The following POLR2C variants were observed in gnomAD, a reference collection of about 807,000 sequenced individuals.
POLR2C encodes the protein DNA-directed RNA polymerase II subunit RPB3.
POLR2C carries 36 observed loss-of-function variants against 41.7 expected under a neutral mutation model. That is an observed-to-expected ratio of 0.86 (90% CI 0.66 to 1.14). The LOEUF is 1.14. Ranked by LOEUF, POLR2C falls within the 50% of genes most tolerant of loss-of-function variation. The probability of loss-of-function intolerance (pLI) is 0.00; values close to 1 mark genes in which losing one functional copy is unlikely to be tolerated. For synonymous variants in POLR2C, 133 were observed against 137.8 expected, an observed-to-expected ratio of 0.96 and a Z score of 0.25; for missense variants, 260 against 350.4, an observed-to-expected ratio of 0.74 and a Z score of 2.06.
At position 57,463,442 on chromosome 16, in the gene POLR2C, A is replaced by G. The variant is rs530967167; in HGVS notation, c.136+364A>G. 1.5e-3 allele frequency: 584 copies of G among 396,702 alleles called. 2 individuals are homozygous for G. Among genetic ancestry groups the G allele is most frequent in the Admixed American group, 2.4e-3 (64 of 26,246 alleles). 24.6% of individuals were successfully genotyped at this position (396,702 alleles called of 1,614,324 possible). On this transcript the variant is annotated intron_variant, in intron 2 of 8. Coordinates refer to ENST00000219252, the MANE Select transcript of POLR2C (RefSeq NM_032940.3). ...ATTGGTGCAGGTTTGTTGCCTGGGT[A>G]TAGTGCGTGATGCTGAGATTTGGGG...
chr16:57,463,158 C>G, intron 2 of POLR2C, 80 bp downstream of exon 2: 1 of 1,139,440 alleles, frequency 8.8e-7, no homozygotes, highest in Non-Finnish European at 1.3e-6. Flanking sequence ...GGGGCTCCTT[C>G]CAGTCCTTGG....
intron 4 of POLR2C, among the ~76,000 whole-genome samples, chr16:57,468,884 A>T (rs1336139416): frequency 6.6e-6 from 1 of 152,104 alleles, no homozygotes; most frequent in Non-Finnish European, 1.5e-5. Flanking sequence ...GGCCAGAGGG[A>T]GATGTTAGCA....
intron 4 of POLR2C, among the ~76,000 whole-genome samples, chr16:57,467,686 C>G (rs1163096574): frequency 6.6e-6 from 1 of 152,174 alleles, no homozygotes; most frequent in African/African-American, 2.4e-5. Context: ...TGCAGACATC[C>G]TAACACTTCC....
At chr16:57,464,224 C>T (rs969162538) in intron 2 of POLR2C, among the ~76,000 whole-genome samples, 1 of 152,172 alleles carries the variant, frequency 6.6e-6, no homozygotes, top group African/African-American at 2.4e-5. Flanking sequence ...TCTATTCCTT[C>T]AACAGCATTT....
chr16:57,463,643 T>C (rs1194264633), intron 2 of POLR2C: 1 of 454,916 alleles, frequency 2.2e-6, no homozygotes, highest in African/African-American at 2.0e-5. Context: ...TGTTCCTGTG[T>C]TAATTCTCTT....
intron 2 of POLR2C, chr16:57,463,409 A>G: frequency 2.2e-6 from 1 of 447,864 alleles, no homozygotes; most frequent in East Asian, 4.7e-5. Context: ...TTTGGAGTCA[A>G]GGGGTACATT....
At chr16:57,463,129 C>G (rs748675012) in intron 2 of POLR2C, 51 bp downstream of exon 2, 15 of 1,396,520 alleles carry the variant, frequency 1.1e-5, no homozygotes, top group Non-Finnish European at 1.5e-5. Context: ...CTGCCCCGCT[C>G]TCCACCCACA....
chr16:57,463,208 T>C (rs1328382496), intron 2 of POLR2C, 130 bp downstream of exon 2: 1 of 805,792 alleles, frequency 1.2e-6, no homozygotes, highest in Middle Eastern at 2.2e-4. Context: ...AGTGCATTGC[T>C]GGAGACTTGA....
chr16:57,471,232 T>C lies in POLR2C; in HGVS notation c.*113T>C. Reference sequence around the variant, plus strand: ...AATCTAGTCTACTGTTGGTTGAGCTTCTTGGCAGGACATCAGTACCAACTA... The same window carrying C: ...AATCTAGTCTACTGTTGGTTGAGCTCCTTGGCAGGACATCAGTACCAACTA... On this transcript the variant is annotated 3_prime_UTR_variant, in exon 9 of 9. Transcript: ENST00000219252. 1 of 908,688 alleles carries C rather than the reference T, an allele frequency of 1.1e-6. No individual in the cohort carries two copies. Among genetic ancestry groups the C allele is most frequent in the Non-Finnish European group, 1.7e-6 (1 of 577,570 alleles). The allele number at this position is 908,688 out of a possible 1,614,324, so 56.3% of individuals were successfully genotyped here. A position where few individuals can be genotyped will look rare whatever the true frequency, so the allele number is the denominator to read the frequency against.
In POLR2C at chr16:57,469,362, A is replaced by G; in HGVS notation, c.387+69A>G. The G allele has an allele frequency of 1.9e-6, 3 of 1,543,692 alleles. No individual in the cohort carries two copies. The highest frequency in any genetic ancestry group is 2.7e-6 in the Non-Finnish European group (3 of 1,116,642). ...TTCTCTGGCTGGCTCCAAGTGGGCC[A>G]GACTGGGGTTGATCCTTAGAAAATG... On this transcript the variant is annotated intron_variant, in intron 5 of 8. Transcript: ENST00000219252. The surrounding 1 kb of genome is among the most constrained non-coding windows in gnomAD (Gnocchi z 5.8).
rs748395922 is a variant in POLR2C, at chr16:57,463,049, G to A, written c.107G>A (p.Arg36Lys). ...TDLAVANSIR[R>K]VFIAEVPIIA... ...TTCAGGGTGGCCAATTCGATTCGGAGGGTCTTCATCGCTGAGGTTCCCATA... is the reference window on the plus strand; with the variant it reads ...TTCAGGGTGGCCAATTCGATTCGGAAGGTCTTCATCGCTGAGGTTCCCATA... The change falls in exon 2 of 9, where the codon AGG (arginine) becomes AAG (lysine). Residue 36 changes from arginine (R) to lysine (K), a missense_variant. Transcript: ENST00000219252. The A allele has an allele frequency of 6.2e-7, 1 of 1,613,986 alleles. No individual in the cohort carries two copies. Among genetic ancestry groups the A allele is most frequent in the East Asian group, 2.2e-5 (1 of 44,876 alleles).
chr16:57,469,136 A>C lies in POLR2C; in HGVS notation c.259-29A>C. On this transcript the variant is annotated intron_variant, in intron 4 of 8. Transcript: ENST00000219252. This position sits in a 1 kb window ranked among gnomAD's most constrained non-coding sequence, Gnocchi z 5.8. ...AGGCAGGAGTTGCCATCTCCCTTTG[A>C]CTCATTCCTGCTTCCCTTCCTGCCT... The C allele has an allele frequency of 1.2e-6, 2 of 1,605,352 alleles. No homozygotes were observed. The highest frequency in any genetic ancestry group is 1.7e-6 in the Non-Finnish European group (2 of 1,173,144).
intron 8 of POLR2C, 55 bp downstream of exon 8, chr16:57,470,409 G>A: frequency 7.3e-7 from 1 of 1,374,236 alleles, no homozygotes; most frequent in African/African-American, 1.4e-5. Flanking sequence ...GATGGTTTTG[G>A]TTCAGGCCGT....
At chr16:57,468,603 T>C (rs1388162146) in intron 4 of POLR2C, among the ~76,000 whole-genome samples, 2 of 152,228 alleles carry the variant, frequency 1.3e-5, no homozygotes, top group Non-Finnish European at 2.9e-5. Context: ...TTAATAATTA[T>C]GGAAGGTGGT....
At chr16:57,466,080 G>C in intron 3 of POLR2C, 59 bp downstream of exon 3, 1 of 1,413,024 alleles carries the variant, frequency 7.1e-7, no homozygotes, top group South Asian at 1.2e-5. Flanking sequence ...TGTCAGGAGG[G>C]GGCCTCCTTC....
Position 57,469,805 on chromosome 16 carries a change from G to A in POLR2C, c.439+44G>A. The A allele has an allele frequency of 1.3e-6, 2 of 1,592,048 alleles. No individual in the cohort carries two copies. Among genetic ancestry groups the A allele is most frequent in the Non-Finnish European group, 1.7e-6 (2 of 1,161,024 alleles). On this transcript the variant is annotated intron_variant, in intron 6 of 8. Coordinates refer to ENST00000219252, the MANE Select transcript of POLR2C (RefSeq NM_032940.3). The surrounding 1 kb of genome is among the most constrained non-coding windows in gnomAD (Gnocchi z 5.8). Reference sequence around the variant, plus strand: ...TCACCGTGTGGGCCAGCGGGAAGGAGGGACCAGACACAGCCTCTCGTGCTG... The same window carrying A: ...TCACCGTGTGGGCCAGCGGGAAGGAAGGACCAGACACAGCCTCTCGTGCTG...
intron 4 of POLR2C, among the ~76,000 whole-genome samples, chr16:57,467,579 A>G (rs1372928510): frequency 6.6e-6 from 1 of 152,214 alleles, no homozygotes; most frequent in African/African-American, 2.4e-5. Context: ...AACTAAAATA[A>G]TACCCTTTAC....
intron 2 of POLR2C, among the ~76,000 whole-genome samples, chr16:57,464,317 C>T (rs1020956554): frequency 6.6e-6 from 1 of 152,116 alleles, no homozygotes; most frequent in Non-Finnish European, 1.5e-5. Flanking sequence ...CTCATGGAGT[C>T]CACAGTGAGG....
chr16:57,470,854 C>A, intron 8 of POLR2C, 121 bp from the exon 9 acceptor site: 1 of 937,618 alleles, frequency 1.1e-6, no homozygotes, highest in Non-Finnish European at 1.7e-6. Context: ...TAGCCCTGGC[C>A]CAAGGTCAAG....
Sources: allele counts gnomAD v4.1 joint callset (sites outside exome capture counted in the v4.1 genomes callset), GRCh38; gene constraint gnomAD v4.1.1; non-coding constraint Gnocchi (gnomAD v3.1); transcripts MANE v1.5; gene names NCBI Gene and HGNC (gene_info 2026-07-23, HGNC 2026-07-21).